The following PCDHGA9 variants were observed in gnomAD, a reference collection of about 807,000 sequenced individuals.
PCDHGA9 encodes protocadherin gamma-A9.
Under a neutral mutation model 62.5 loss-of-function variants are expected in PCDHGA9, and 37 were observed. The ratio of observed to expected loss-of-function variants is 0.59; its 90% CI spans 0.46 to 0.78. The LOEUF is 0.78. Among genes scored for constraint, PCDHGA9 ranks in the 30% least tolerant of loss-of-function variants. PCDHGA9 has a pLI of 0.00. For missense variants in PCDHGA9, 1,138 were observed against 1,166.2 expected (o/e 0.98, Z 0.35); for synonymous variants, 459 against 484.6 (o/e 0.95, Z 0.69).
At chr5:141,428,333 T>A in intron 1 of PCDHGA9, 1 of 618,518 alleles carries the variant, frequency 1.6e-6, no homozygotes, top group Non-Finnish European at 2.9e-6. Context: ...ATTTCTATGC[T>A]CTTCTTCCTC....
intron 1 of PCDHGA9, among the ~76,000 whole-genome samples, chr5:141,435,953 G>A (rs2097789156): frequency 6.6e-6 from 1 of 151,984 alleles, no homozygotes; most frequent in Non-Finnish European, 1.5e-5. Context: ...CAAAAAAGGG[G>A]GCAAAATATA....
intron 1 of PCDHGA9, chr5:141,427,571 G>A: frequency 1.5e-6 from 1 of 662,942 alleles, no homozygotes. Flanking sequence ...GCAAGCCTCC[G>A]CTCTCATCCA....
Position 141,489,527 on chromosome 5 carries a change from G to A in PCDHGA9, c.2425-5280G>A. On this transcript the variant is annotated intron_variant, in intron 1 of 3. Coordinates refer to ENST00000573521, the MANE Select transcript of PCDHGA9 (RefSeq NM_018921.3). The surrounding 1 kb of genome is among the most constrained non-coding windows in gnomAD (Gnocchi z 4.5). The stretch of plus-strand genomic sequence containing the variant: ...CAAAAGATTGACCGAGAAAGCCTAT[G>A]TGGAGCCAGCACCAGCTGCCTGCTG... The A allele has an allele frequency of 1.9e-6, 3 of 1,614,152 alleles. No individual in the cohort carries two copies. Among genetic ancestry groups the A allele is most frequent in the East Asian group, 2.2e-5 (1 of 44,874 alleles).
chr5:141,432,632 G>A lies in PCDHGA9; in HGVS notation c.2424+27256G>A. 3.7e-6 allele frequency: 6 copies of A among 1,612,834 alleles called. No individual in the cohort carries two copies. The highest frequency in any genetic ancestry group is 5.1e-6 in the Non-Finnish European group (6 of 1,179,706). On this transcript the variant is annotated intron_variant, in intron 1 of 3. Coordinates refer to ENST00000573521, the MANE Select transcript of PCDHGA9 (RefSeq NM_018921.3). The surrounding 1 kb of genome is among the most constrained non-coding windows in gnomAD (Gnocchi z 6.0). ...CTTCTCGGTGGGTCTGCACACGGGC[G>A]AGGTGCGCACGGCGCGAGCCCTGCT...
In PCDHGA9 at chr5:141,489,153, G is replaced by A; in HGVS notation, c.2425-5654G>A. The A allele has an allele frequency of 1.1e-6, 1 of 935,832 alleles. No homozygotes were observed. The highest frequency in any genetic ancestry group is 1.6e-6 in the Non-Finnish European group (1 of 627,178). 58.0% of individuals were successfully genotyped at this position (935,832 alleles called of 1,614,324 possible). A position where few individuals can be genotyped will look rare whatever the true frequency, so the allele number is the denominator to read the frequency against. ...TTTAAGAGGCTGGAAGGAGACATAA[G>A]AGACTTCAGCTGCTGCATTCCAAGC... On this transcript the variant is annotated intron_variant, in intron 1 of 3. Coordinates refer to ENST00000573521, the MANE Select transcript of PCDHGA9 (RefSeq NM_018921.3). This position sits in a 1 kb window ranked among gnomAD's most constrained non-coding sequence, Gnocchi z 4.5.
chr5:141,434,440 T>C (rs1283641379), intron 1 of PCDHGA9, among the ~76,000 whole-genome samples: 2 of 152,238 alleles, frequency 1.3e-5, no homozygotes, highest in Non-Finnish European at 2.9e-5. Flanking sequence ...GTAATGCCCA[T>C]GCTGGAAGGT....
chr5:141,491,381 C>A lies in PCDHGA9; in HGVS notation c.2425-3426C>A. On this transcript the variant is annotated intron_variant, in intron 1 of 3. Transcript: ENST00000573521. This position sits in a 1 kb window ranked among gnomAD's most constrained non-coding sequence, Gnocchi z 6.9. ...CTAGTCACCTTCACCTTTCTGTCAGCGAAGTGCCTTCAGGGAAACGCAGAC... is the reference window on the plus strand; with the variant it reads ...CTAGTCACCTTCACCTTTCTGTCAGAGAAGTGCCTTCAGGGAAACGCAGAC... 2 of 1,614,068 alleles carry A rather than the reference C, an allele frequency of 1.2e-6. No homozygotes were observed. The highest frequency in any genetic ancestry group is 1.7e-6 in the Non-Finnish European group (2 of 1,179,950).
At chr5:141,457,432 C>G (rs982456249) in intron 1 of PCDHGA9, among the ~76,000 whole-genome samples, 1 of 152,172 alleles carries the variant, frequency 6.6e-6, no homozygotes, top group Non-Finnish European at 1.5e-5. Context: ...TCCCCCCCAC[C>G]AAGCTGCAGA....
In PCDHGA9 at chr5:141,447,883, C is replaced by T. The variant is rs184337553; in HGVS notation, c.2424+42507C>T. Among the ~76,000 whole-genome samples the T allele has an allele frequency of 3.9e-3, 599 of 152,000 alleles. 3 individuals are homozygous for T. The highest frequency in any genetic ancestry group is 0.014 in the African/African-American group (563 of 41,452). ...GGTGAATCATCTGAGGTCAGGAGTT[C>T]GAGACCAGCCTGGCCAACATGGTGA... On this transcript the variant is annotated intron_variant, in intron 1 of 3. Coordinates refer to ENST00000573521, the MANE Select transcript of PCDHGA9 (RefSeq NM_018921.3).
chr5:141,438,627 TATATATATACAC>T (rs1324653166), intron 1 of PCDHGA9, among the ~76,000 whole-genome samples: 191 of 47,978 alleles, frequency 4.0e-3, no homozygotes, highest in African/African-American at 0.016. Flanking sequence ...TATATATATA[TATATATATACAC>T]ACACACACAC....
Position 141,491,103 on chromosome 5 carries a change from G to T in PCDHGA9, c.2425-3704G>T, listed in dbSNP as rs1190609518. The T allele has an allele frequency of 6.2e-7, 1 of 1,614,162 alleles. No individual in the cohort carries two copies. ...CCACAGCCCCAGGACTGTTCCTCGT[G>T]TCTACACACACTGGTGAGGTGCGCA... On this transcript the variant is annotated intron_variant, in intron 1 of 3. Coordinates refer to ENST00000573521, the MANE Select transcript of PCDHGA9 (RefSeq NM_018921.3). The surrounding 1 kb of genome is among the most constrained non-coding windows in gnomAD (Gnocchi z 6.9).
intron 1 of PCDHGA9, chr5:141,426,449 G>A (rs1449929836): frequency 1.6e-5 from 5 of 307,646 alleles, no homozygotes; most frequent in East Asian, 8.0e-5. Flanking sequence ...GAGGACATGC[G>A]GCTGCATGTT....
Position 141,485,751 on chromosome 5 carries a change from A to G in PCDHGA9, c.2425-9056A>G. ...CGCAGCGACGGCAGCCTGGTCCCAG[A>G]GCTGCTCCTGGAGAAGCCTTTGGAT... is the stretch of plus-strand genomic sequence containing the variant. On this transcript the variant is annotated intron_variant, in intron 1 of 3. Coordinates refer to ENST00000573521, the MANE Select transcript of PCDHGA9 (RefSeq NM_018921.3). This position sits in a 1 kb window ranked among gnomAD's most constrained non-coding sequence, Gnocchi z 5.7. 6.2e-7 allele frequency: 1 copy of G among 1,614,166 alleles called. No individual in the cohort carries two copies. Among genetic ancestry groups the G allele is most frequent in the Non-Finnish European group, 8.5e-7 (1 of 1,179,998 alleles).
chr5:141,486,011 T>C lies in PCDHGA9; in HGVS notation c.2425-8796T>C. The C allele has an allele frequency of 6.2e-7, 1 of 1,614,188 alleles. No individual in the cohort carries two copies. Among genetic ancestry groups the C allele is most frequent in the Non-Finnish European group, 8.5e-7 (1 of 1,180,014 alleles). ...GGGTCCCAGTGGTAACGTCACCTTTTATTTCAGTGGTCATACCCCTGATCG... is the reference window on the plus strand; with the variant it reads ...GGGTCCCAGTGGTAACGTCACCTTTCATTTCAGTGGTCATACCCCTGATCG... On this transcript the variant is annotated intron_variant, in intron 1 of 3. Coordinates refer to ENST00000573521, the MANE Select transcript of PCDHGA9 (RefSeq NM_018921.3). This position sits in a 1 kb window ranked among gnomAD's most constrained non-coding sequence, Gnocchi z 5.0.
chr5:141,422,685 C>G lies in PCDHGA9; in HGVS notation c.2424+17309C>G, dbSNP rs754112462. The G allele has an allele frequency of 2.5e-6, 4 of 1,605,144 alleles. No individual in the cohort carries two copies. The South Asian group carries it at 4.5e-5, about 18-fold the overall frequency. On this transcript the variant is annotated intron_variant, in intron 1 of 3. Coordinates refer to ENST00000573521, the MANE Select transcript of PCDHGA9 (RefSeq NM_018921.3). ...TCGACCCGGACAGCAAACAGAATGCCCTGGTCACTTACTCTCTGACGGATG... is the reference window on the plus strand; with the variant it reads ...TCGACCCGGACAGCAAACAGAATGCGCTGGTCACTTACTCTCTGACGGATG...
intron 1 of PCDHGA9, chr5:141,410,823 C>CCAGACTGA (rs2095425464): frequency 2.1e-6 from 1 of 479,988 alleles, no homozygotes; most frequent in African/African-American, 2.5e-5. Flanking sequence ...AATAATGTCA[C>CCAGACTGA]CAGACTGAAG....
chr5:141,485,359 C>T lies in PCDHGA9; in HGVS notation c.2425-9448C>T. ...TGGATACGGACAGTCTGTCAGCTCG[C>T]AGGCTGCAGGTCGCTGGAGAGGTGA... is the stretch of plus-strand genomic sequence containing the variant. On this transcript the variant is annotated intron_variant, in intron 1 of 3. Transcript: ENST00000573521. The surrounding 1 kb of genome is among the most constrained non-coding windows in gnomAD (Gnocchi z 5.7). 6.2e-7 allele frequency: 1 copy of T among 1,614,144 alleles called. No homozygotes were observed. The highest frequency in any genetic ancestry group is 8.5e-7 in the Non-Finnish European group (1 of 1,180,010).
intron 1 of PCDHGA9, chr5:141,421,734 G>T: frequency 6.2e-7 from 1 of 1,613,948 alleles, no homozygotes; most frequent in Non-Finnish European, 8.5e-7. Flanking sequence ...ACTCCCTCCA[G>T]AGCTACCAGC....
In PCDHGA9 at chr5:141,432,931, G is replaced by A. The variant is rs2097550450; in HGVS notation, c.2424+27555G>A. The A allele has an allele frequency of 6.2e-7, 1 of 1,614,198 alleles. No individual in the cohort carries two copies. The highest frequency in any genetic ancestry group is 2.2e-5 in the East Asian group (1 of 44,864). Reference sequence around the variant, plus strand: ...TGCGGCGCTGGCACAAGTCACGCCTGCTGCAGGCTTCAGGAGGCGGCTTGA... The same window carrying A: ...TGCGGCGCTGGCACAAGTCACGCCTACTGCAGGCTTCAGGAGGCGGCTTGA... On this transcript the variant is annotated intron_variant, in intron 1 of 3. Transcript: ENST00000573521. The surrounding 1 kb of genome is among the most constrained non-coding windows in gnomAD (Gnocchi z 6.0).
Sources: allele counts gnomAD v4.1 joint callset (sites outside exome capture counted in the v4.1 genomes callset), GRCh38; gene constraint gnomAD v4.1.1; non-coding constraint Gnocchi (gnomAD v3.1); transcripts MANE v1.5; gene names NCBI Gene and HGNC (gene_info 2026-07-23, HGNC 2026-07-21).